Variants in TOM1L2 observed in about 807,000 individuals in gnomAD.
The protein encoded by TOM1L2 is TOM1-like protein 2.
Under a neutral mutation model 67.9 loss-of-function variants are expected in TOM1L2, and 31 were observed. The observed-to-expected ratio is 0.46, with a 90% confidence interval of 0.34 to 0.62. The LOEUF is 0.62. TOM1L2 is among the 20% of genes least tolerant of loss of function. The pLI is 0.01. For missense variants in TOM1L2, 606 were observed against 663.5 expected (o/e 0.91, Z 0.95); for synonymous variants, 256 against 254.0 (o/e 1.01, Z -0.07).
intron 1 of TOM1L2, among the ~76,000 whole-genome samples, chr17:17,970,048 TG>T (rs1483170057): frequency 6.6e-6 from 1 of 151,988 alleles, no homozygotes; most frequent in Non-Finnish European, 1.5e-5. Flanking sequence ...TTTTTGTTGT[TG>T]TTGTTGTTGT....
At chr17:17,948,529 G>T (rs1265133318) in intron 1 of TOM1L2, among the ~76,000 whole-genome samples, 1 of 152,178 alleles carries the variant, frequency 6.6e-6, no homozygotes, top group Non-Finnish European at 1.5e-5. Context: ...GTGCACGTCT[G>T]TAATCCCAGC....
rs2035707302 is a variant in TOM1L2, at chr17:17,847,491, G to A, written c.*144C>T. 2 of 1,105,836 alleles carry A rather than the reference G, an allele frequency of 1.8e-6. No homozygotes were observed. The highest frequency in any genetic ancestry group is 3.1e-5 in the African/African-American group (2 of 63,690). 68.5% of individuals were successfully genotyped at this position (1,105,836 alleles called of 1,614,324 possible). ...TGAAGCTGGTCCTGACTAGTGGGAGGCCTGGGAGCAGACACGGTGGCATTT... is the reference window on the plus strand; with the variant it reads ...TGAAGCTGGTCCTGACTAGTGGGAGACCTGGGAGCAGACACGGTGGCATTT... On this transcript the variant is annotated 3_prime_UTR_variant, in exon 15 of 15. Transcript: ENST00000379504.
At chr17:17,860,665 C>T (rs1229667972) in intron 12 of TOM1L2, among the ~76,000 whole-genome samples, 3 of 152,228 alleles carry the variant, frequency 2.0e-5, no homozygotes, top group East Asian at 1.9e-4. Flanking sequence ...CAGCTGTTGT[C>T]GGCAGCTATT....
intron 7 of TOM1L2, among the ~76,000 whole-genome samples, chr17:17,871,053 G>T (rs977675196): frequency 6.6e-6 from 1 of 152,216 alleles, no homozygotes; most frequent in Non-Finnish European, 1.5e-5. Flanking sequence ...ACTTCTGAGA[G>T]AATTAATTAA....
intron 1 of TOM1L2, among the ~76,000 whole-genome samples, chr17:17,956,284 C>G (rs1228110283): frequency 6.6e-6 from 1 of 152,146 alleles, no homozygotes; most frequent in Non-Finnish European, 1.5e-5. Flanking sequence ...TCTCCAAGTC[C>G]CCACCAGATT....
chr17:17,893,523 A>G (rs1366891679), intron 4 of TOM1L2, 138 bp downstream of exon 4: 1 of 849,094 alleles, frequency 1.2e-6, no homozygotes, highest in Non-Finnish European at 1.8e-6. Flanking sequence ...TTTTTTTTGA[A>G]GTATTTTGCA....
chr17:17,969,986 A>G (rs2042005833), intron 1 of TOM1L2, among the ~76,000 whole-genome samples: 1 of 152,118 alleles, frequency 6.6e-6, no homozygotes, highest in South Asian at 2.1e-4. Context: ...CCCTGACAGA[A>G]GTATCAAGCT....
intron 7 of TOM1L2, 136 bp downstream of exon 7, chr17:17,879,491 G>A: frequency 2.9e-6 from 2 of 679,124 alleles, no homozygotes; most frequent in Non-Finnish European, 5.4e-6. Flanking sequence ...GGCTGCATGT[G>A]TGCTCACATG....
intron 1 of TOM1L2, among the ~76,000 whole-genome samples, chr17:17,927,199 C>T (rs948672244): frequency 6.6e-6 from 1 of 152,194 alleles, no homozygotes; most frequent in Non-Finnish European, 1.5e-5. Context: ...CAGCATGAAA[C>T]TGCATTCTTC....
intron 2 of TOM1L2, among the ~76,000 whole-genome samples, chr17:17,899,462 G>A (rs1052414749): frequency 1.3e-5 from 2 of 152,208 alleles, no homozygotes; most frequent in Non-Finnish European, 2.9e-5. Context: ...AGTTGGAGTG[G>A]AGCTGTTTGG....
intron 4 of TOM1L2, among the ~76,000 whole-genome samples, chr17:17,887,062 G>T (rs972797412): frequency 2.0e-5 from 3 of 152,236 alleles, no homozygotes; most frequent in African/African-American, 4.8e-5. Flanking sequence ...GATTTGGAAG[G>T]CCTTCCTGAT....
intron 12 of TOM1L2, chr17:17,858,938 G>A (rs1256473645): frequency 2.0e-5 from 3 of 152,036 alleles, no homozygotes. Flanking sequence ...GGCTGTTCTT[G>A]AACTCCCACC....
intron 1 of TOM1L2, among the ~76,000 whole-genome samples, chr17:17,957,753 A>G (rs1172305294): frequency 6.6e-6 from 1 of 152,048 alleles, no homozygotes; most frequent in Non-Finnish European, 1.5e-5. Context: ...ACACACACGT[A>G]CACACACATA....
At chr17:17,891,484 T>G (rs2038270420) in intron 4 of TOM1L2, among the ~76,000 whole-genome samples, 1 of 152,022 alleles carries the variant, frequency 6.6e-6, no homozygotes, top group Non-Finnish European at 1.5e-5. Flanking sequence ...CCACAGCCAG[T>G]GAAGAAGGCT....
At position 17,866,570 on chromosome 17, in the gene TOM1L2, C is replaced by G. The variant is rs968457825; in HGVS notation, c.961-151G>C. 4 of 1,081,552 alleles carry G rather than the reference C, an allele frequency of 3.7e-6. No individual in the cohort carries two copies. The African/African-American group carries it at 6.4e-5, about 17-fold the overall frequency. The allele number at this position is 1,081,552 out of a possible 1,614,324, so 67.0% of individuals were successfully genotyped here. A position where few individuals can be genotyped will look rare whatever the true frequency, so the allele number is the denominator to read the frequency against. On this transcript the variant is annotated intron_variant, in intron 9 of 14. Transcript: ENST00000379504. Reference sequence around the variant, plus strand: ...AAGGCCACTTCCCCCACCTGCCTTCCAGGTCCATGGTGGGCCTGGATGTCA... The same window carrying G: ...AAGGCCACTTCCCCCACCTGCCTTCGAGGTCCATGGTGGGCCTGGATGTCA...
chr17:17,923,759 G>C (rs1232879143), intron 1 of TOM1L2, among the ~76,000 whole-genome samples: 2 of 152,054 alleles, frequency 1.3e-5, no homozygotes, highest in Non-Finnish European at 2.9e-5. Flanking sequence ...AGATACTTGG[G>C]AGGCAAGAGG....
chr17:17,946,398 C>G (rs1337055247), intron 1 of TOM1L2, among the ~76,000 whole-genome samples: 2 of 152,178 alleles, frequency 1.3e-5, no homozygotes, highest in Admixed American at 1.3e-4. Flanking sequence ...CCTACAACCA[C>G]TAATCTGCCT....
chr17:17,904,618 A>G (rs1456078684), intron 2 of TOM1L2, among the ~76,000 whole-genome samples: 1 of 152,134 alleles, frequency 6.6e-6, no homozygotes, highest in East Asian at 1.9e-4. Context: ...GTTGTGCAGC[A>G]GGAAGGGGTA....
intron 8 of TOM1L2, among the ~76,000 whole-genome samples, chr17:17,868,381 G>A (rs988716170): frequency 6.6e-6 from 1 of 152,192 alleles, no homozygotes; most frequent in Non-Finnish European, 1.5e-5. Flanking sequence ...AAAGGGTAAC[G>A]CAAATGCAAG....
Sources: allele counts gnomAD v4.1 joint callset (sites outside exome capture counted in the v4.1 genomes callset), GRCh38; gene constraint gnomAD v4.1.1; transcripts MANE v1.5; gene names NCBI Gene and HGNC (gene_info 2026-07-23, HGNC 2026-07-21).